EPHA6: variants seen among roughly 807,000 people sequenced by gnomAD.
The protein encoded by EPHA6 is ephrin type-A receptor 6.
A neutral mutation model predicts 112.0 loss-of-function variants in EPHA6; 50 were observed. That is an observed-to-expected ratio of 0.45 (90% confidence interval 0.36 to 0.56). The LOEUF (loss-of-function observed/expected upper bound fraction) is 0.56. Ranked by LOEUF, EPHA6 falls within the 20% of genes least tolerant of loss-of-function variation. EPHA6 has a pLI of 0.00. For missense variants in EPHA6, 1,280 were observed against 1,417.4 expected (o/e 0.90, Z 1.56); for synonymous variants, 529 against 490.7 (o/e 1.08, Z -1.03).
intron 16 of EPHA6, among the ~76,000 whole-genome samples, chr3:97,746,825 C>CAG (rs2035734461): frequency 6.6e-6 from 1 of 151,832 alleles, no homozygotes; most frequent in Non-Finnish European, 1.5e-5. Flanking sequence ...GTGTGTAAAT[C>CAG]TTATTCATGC....
intron 1 of EPHA6, among the ~76,000 whole-genome samples, chr3:96,851,394 G>T (rs905158791): frequency 2.0e-5 from 3 of 152,128 alleles, no homozygotes; most frequent in African/African-American, 7.2e-5. Flanking sequence ...AGAATTTACT[G>T]TGGCCTTGAT....
Position 97,664,778 on chromosome 3 carries a change from C to G in EPHA6, c.2784+26696C>G, listed in dbSNP as rs9879500. On this transcript the variant is annotated intron_variant, in intron 14 of 17. Coordinates refer to ENST00000389672, the MANE Select transcript of EPHA6 (RefSeq NM_001080448.3). ...CCAACTTACAAGGGATGTGAAGGAC[C>G]TCTTCAAGGAGAACTACAAACCACT... Among the ~76,000 whole-genome samples the G allele has an allele frequency of 3.0e-3, 461 of 152,110 alleles. 2 individuals carry two copies. Among genetic ancestry groups the G allele is most frequent in the African/African-American group, 0.01 (422 of 41,492 alleles).
At chr3:97,344,707 C>A (rs905499385) in intron 5 of EPHA6, among the ~76,000 whole-genome samples, 1 of 152,124 alleles carries the variant, frequency 6.6e-6, no homozygotes, top group South Asian at 2.1e-4. Context: ...ATTGTCAGTA[C>A]GTGATATTGT....
chr3:97,117,914 A>G (rs2047937903), intron 3 of EPHA6, among the ~76,000 whole-genome samples: 1 of 151,586 alleles, frequency 6.6e-6, no homozygotes. Context: ...TATACAAAGA[A>G]CTCTGTATCA....
intron 2 of EPHA6, among the ~76,000 whole-genome samples, chr3:96,972,041 C>A (rs1195263502): frequency 6.6e-6 from 1 of 152,004 alleles, no homozygotes; most frequent in Non-Finnish European, 1.5e-5. Flanking sequence ...TTGTCTTTTA[C>A]TTTTGGGAAA....
intron 12 of EPHA6, among the ~76,000 whole-genome samples, chr3:97,601,371 G>T (rs2093641925): frequency 1.3e-5 from 2 of 152,050 alleles, no homozygotes; most frequent in Admixed American, 6.6e-5. Flanking sequence ...AAGAAACTAG[G>T]CTGCTCAGCT....
chr3:96,855,767 A>T (rs1052438656), intron 1 of EPHA6, among the ~76,000 whole-genome samples: 10 of 152,152 alleles, frequency 6.6e-5, no homozygotes, highest in African/African-American at 2.2e-4. Flanking sequence ...GTTTTATGGA[A>T]TATGAAATAT....
intron 2 of EPHA6, among the ~76,000 whole-genome samples, chr3:96,879,340 C>A (rs541542717): frequency 1.3e-5 from 2 of 152,154 alleles, no homozygotes; most frequent in East Asian, 1.9e-4. Context: ...TATAACATAT[C>A]ATTTTCAACA....
At chr3:97,646,531 G>A (rs910742590) in intron 14 of EPHA6, among the ~76,000 whole-genome samples, 13 of 152,068 alleles carry the variant, frequency 8.5e-5, no homozygotes, top group African/African-American at 1.2e-4. Flanking sequence ...ATTATAGAGC[G>A]ACCATATTTC....
chr3:97,459,620 A>G (rs2090818326), intron 7 of EPHA6, among the ~76,000 whole-genome samples: 1 of 152,156 alleles, frequency 6.6e-6, no homozygotes, highest in Non-Finnish European at 1.5e-5. Context: ...CACAGCAGTG[A>G]GCTTCCCGTA....
intron 5 of EPHA6, among the ~76,000 whole-genome samples, chr3:97,286,742 A>G (rs1269869496): frequency 6.6e-6 from 1 of 151,908 alleles, no homozygotes; most frequent in Non-Finnish European, 1.5e-5. Context: ...TAAATTCCAA[A>G]CAAATTTTAG....
intron 5 of EPHA6, among the ~76,000 whole-genome samples, chr3:97,269,799 T>C (rs986260045): frequency 6.6e-6 from 1 of 151,786 alleles, no homozygotes; most frequent in Non-Finnish European, 1.5e-5. Context: ...AAACAATATA[T>C]TTTGTATCAT....
At chr3:97,241,767 T>G (rs187667856) in intron 4 of EPHA6, among the ~76,000 whole-genome samples, 5,906 of 150,146 alleles carry the variant, frequency 0.039, 314 homozygotes, top group African/African-American at 0.12. Flanking sequence ...TTTTTTTTTT[T>G]TTTGTTTTTT....
At chr3:97,358,689 T>C (rs923670529) in intron 5 of EPHA6, among the ~76,000 whole-genome samples, 1 of 152,120 alleles carries the variant, frequency 6.6e-6, no homozygotes, top group Non-Finnish European at 1.5e-5. Context: ...TACTGTCTAA[T>C]GTCTTTTCAT....
At chr3:97,443,653 G>A (rs1008780790) in intron 6 of EPHA6, among the ~76,000 whole-genome samples, 9 of 151,952 alleles carry the variant, frequency 5.9e-5, no homozygotes, top group African/African-American at 1.9e-4. Context: ...AAAAATAAAG[G>A]CAGCCTGCAT....
At chr3:96,934,975 T>C (rs2040504657) in intron 2 of EPHA6, among the ~76,000 whole-genome samples, 1 of 151,838 alleles carries the variant, frequency 6.6e-6, no homozygotes, top group African/African-American at 2.4e-5. Context: ...ATATCATTTA[T>C]TTTTTATATT....
chr3:97,416,171 G>GAGA (rs1405551374), intron 6 of EPHA6, among the ~76,000 whole-genome samples: 1 of 151,950 alleles, frequency 6.6e-6, no homozygotes, highest in East Asian at 1.9e-4. Context: ...AGGAAAGAAA[G>GAGA]AGAAGAAACC....
At chr3:97,427,552 G>A (rs2089225437) in intron 6 of EPHA6, among the ~76,000 whole-genome samples, 1 of 152,086 alleles carries the variant, frequency 6.6e-6, no homozygotes, top group South Asian at 2.1e-4. Flanking sequence ...TGAAGAGTGG[G>A]AGGAGGAAGA....
intron 6 of EPHA6, among the ~76,000 whole-genome samples, chr3:97,434,427 AT>A (rs2089699775): frequency 6.6e-6 from 1 of 152,172 alleles, no homozygotes; most frequent in African/African-American, 2.4e-5. Context: ...CAATTGATTT[AT>A]TTTGACTAAT....
Sources: allele counts gnomAD v4.1 joint callset (sites outside exome capture counted in the v4.1 genomes callset), GRCh38; gene constraint gnomAD v4.1.1; transcripts MANE v1.5; gene names NCBI Gene and HGNC (gene_info 2026-07-23, HGNC 2026-07-21).